NRK: variants seen among roughly 807,000 people sequenced by gnomAD.
NRK encodes nik-related protein kinase.
In NRK, 67 loss-of-function variants were observed where a neutral mutation model predicts 125.2. The observed-to-expected ratio is 0.54, with a 90% CI of 0.44 to 0.66. The LOEUF (loss-of-function observed/expected upper bound fraction) is 0.66. Ranked by LOEUF, NRK falls within the 30% of genes least tolerant of loss-of-function variation. NRK has a pLI of 0.00. For synonymous variants in NRK, 458 were observed against 429.0 expected (o/e 1.07, Z -0.84); for missense variants, 1,224 against 1,192.9 (o/e 1.03, Z -0.38).
intron 6 of NRK, 42 bp downstream of exon 6, chrX:105,893,984 C>A: frequency 1.3e-6 from 1 of 742,948 alleles, no homozygotes; most frequent in Non-Finnish European, 2.1e-6. Context: ...CTTTTAAGAA[C>A]CTGGGAGTAA....
chrX:105,946,147 C>T, intron 25 of NRK, 132 bp downstream of exon 25: 1 of 795,809 alleles, frequency 1.3e-6, no homozygotes, highest in Non-Finnish European at 1.8e-6. Flanking sequence ...GTTGTAATAA[C>T]AGGTCTAAGA....
chrX:105,931,255 G>A (rs2040591224), intron 19 of NRK, among the ~76,000 whole-genome samples: 1 of 112,305 alleles, frequency 8.9e-6, no homozygotes, highest in African/African-American at 3.2e-5. Flanking sequence ...TGACAGTGGA[G>A]CTGCAAGACT....
In NRK at chrX:105,937,492, G is replaced by A. The variant is rs1440360618; in HGVS notation, c.3709G>A (p.Gly1237Arg). Reference protein sequence around the residue: ...RSNLYLMDRSGKADITKLIRR... With the variant: ...RSNLYLMDRSRKADITKLIRR... Reference sequence around the variant, plus strand: ...TAATCTATATCTGATGGACAGAAGTGGAAAGGCTGACATTACTAAACTTAT... The same window carrying A: ...TAATCTATATCTGATGGACAGAAGTAGAAAGGCTGACATTACTAAACTTAT... The change falls in exon 22 of 29, where the codon GGA (glycine) becomes AGA (arginine). Residue 1237 changes from glycine to arginine, a missense_variant. Coordinates refer to ENST00000243300, the MANE Select transcript of NRK (RefSeq NM_198465.4). 2 of 1,192,670 alleles carry A rather than the reference G, an allele frequency of 1.7e-6. No homozygotes were observed. The highest frequency in any genetic ancestry group is 2.3e-6 in the Non-Finnish European group (2 of 881,493).
intron 2 of NRK, among the ~76,000 whole-genome samples, chrX:105,865,919 G>C (rs947929983): frequency 1.9e-5 from 2 of 107,826 alleles, no homozygotes; most frequent in African/African-American, 6.9e-5. Flanking sequence ...TCAAAGTTTA[G>C]CCCAAGGAAC....
intron 16 of NRK, among the ~76,000 whole-genome samples, chrX:105,919,360 T>G (rs748859280): frequency 2.5e-4 from 28 of 111,667 alleles, no homozygotes; most frequent in Admixed American, 1.2e-3. Context: ...TATTAAAACC[T>G]AATCTCCAAA....
intron 3 of NRK, among the ~76,000 whole-genome samples, chrX:105,881,414 A>G (rs185719579): frequency 1.2e-4 from 13 of 111,783 alleles, no homozygotes; most frequent in African/African-American, 3.9e-4. Context: ...TGTTCAACCC[A>G]TGGAAGTTTA....
At chrX:105,826,379 A>G (rs1249804909) in intron 1 of NRK, among the ~76,000 whole-genome samples, 1 of 76,804 alleles carries the variant, frequency 1.3e-5, no homozygotes, top group African/African-American at 6.1e-5. Context: ...TATATATATT[A>G]TCATATATAT....
At chrX:105,946,037 A>G (rs369647725) in intron 25 of NRK, 22 bp downstream of exon 25, 2 of 1,193,858 alleles carry the variant, frequency 1.7e-6, no homozygotes, top group African/African-American at 1.7e-5. Flanking sequence ...GAAGACAGCA[A>G]ACAGAATGCA....
At chrX:105,919,002 G>GAAAAA (rs57376881) in intron 16 of NRK, among the ~76,000 whole-genome samples, 4 of 39,476 alleles carry the variant, frequency 1.0e-4, no homozygotes, top group African/African-American at 2.7e-4. Context: ...ATGGTTTCCT[G>GAAAAA]AAAAAAAAAA....
At chrX:105,889,773 G>A (rs996131310) in intron 5 of NRK, among the ~76,000 whole-genome samples, 25 of 112,384 alleles carry the variant, frequency 2.2e-4, no homozygotes, top group Non-Finnish European at 4.5e-4. Context: ...CACAGCTGGA[G>A]TGGCTGGGAC....
At chrX:105,879,687 A>T (rs1360926566) in intron 2 of NRK, among the ~76,000 whole-genome samples, 2 of 111,564 alleles carry the variant, frequency 1.8e-5, no homozygotes, top group Non-Finnish European at 3.8e-5. Flanking sequence ...GAGATAATGC[A>T]TGGCTAATAT....
intron 1 of NRK, among the ~76,000 whole-genome samples, chrX:105,825,671 C>T (rs2039083030): frequency 9.0e-6 from 1 of 111,283 alleles, no homozygotes; most frequent in Non-Finnish European, 1.9e-5. Context: ...AAACAAGAAA[C>T]GGTGACAAAA....
rs774330470 is a variant in NRK, at chrX:105,934,453, G to A, written c.3499+9G>A. On this transcript the variant is annotated intron_variant, in intron 20 of 28. Transcript: ENST00000243300. ...CTTTGCCAGTGCCATCTGTGAGTGT[G>A]TTCAATGTAATCTCTAAATGCTACT... 1.8e-6 allele frequency: 2 copies of A among 1,122,203 alleles called. No individual in the cohort carries two copies. Among genetic ancestry groups the A allele is most frequent in the East Asian group, 3.0e-5 (1 of 33,016 alleles). The allele number at this position is 1,122,203 out of a possible 1,213,427, so 92.5% of individuals were successfully genotyped here.
chrX:105,916,330 A>C (rs1259479439), intron 15 of NRK, among the ~76,000 whole-genome samples: 1 of 111,161 alleles, frequency 9.0e-6, no homozygotes, highest in Non-Finnish European at 1.9e-5. Context: ...GATCTTCAAT[A>C]ATTTTCAAAG....
At chrX:105,953,469 C>A (rs1280651945) in intron 28 of NRK, among the ~76,000 whole-genome samples, 2 of 111,755 alleles carry the variant, frequency 1.8e-5, no homozygotes, top group Non-Finnish European at 3.8e-5. Flanking sequence ...CCTTTATTGT[C>A]TTTGATTCAT....
At chrX:105,889,462 C>G (rs1457579791) in intron 5 of NRK, among the ~76,000 whole-genome samples, 1 of 111,881 alleles carries the variant, frequency 8.9e-6, no homozygotes, top group Non-Finnish European at 1.9e-5. Flanking sequence ...GACAGTGGCC[C>G]TCTTCTCACA....
chrX:105,874,770 C>T (rs997064546), intron 2 of NRK, among the ~76,000 whole-genome samples: 1 of 111,124 alleles, frequency 9.0e-6, no homozygotes, highest in African/African-American at 3.3e-5. Context: ...ACAACAGCAC[C>T]GTAATAAACT....
intron 28 of NRK, 87 bp from the exon 29 acceptor site, chrX:105,955,418 C>T: frequency 2.0e-6 from 1 of 503,476 alleles, no homozygotes. Context: ...TCTTAATTAG[C>T]AGATGCAGAT....
rs909910218 is a variant in NRK, at chrX:105,923,431, A to C, written c.2924A>C (p.Lys975Thr). 8.8e-7 allele frequency: 1 copy of C among 1,142,382 alleles called. No homozygotes were observed. Among genetic ancestry groups the C allele is most frequent in the Non-Finnish European group, 1.2e-6 (1 of 854,753 alleles). 94.1% of individuals were successfully genotyped at this position (1,142,382 alleles called of 1,213,427 possible). A position where few individuals can be genotyped will look rare whatever the true frequency, so the allele number is the denominator to read the frequency against. Reference sequence around the variant, plus strand: ...AAAGACCATGATGATGACAACAATAAGTTTGTTGATGATGTAAATAATAAT... The same window carrying C: ...AAAGACCATGATGATGACAACAATACGTTTGTTGATGATGTAAATAATAAT... ...VCKDHDDDNN[K>T]FVDDVNNNYY... The change falls in exon 18 of 29, where the codon AAG (lysine) becomes ACG (threonine). Residue 975 changes from lysine (K) to threonine (T), a missense_variant. Coordinates refer to ENST00000243300, the MANE Select transcript of NRK (RefSeq NM_198465.4).
Sources: allele counts gnomAD v4.1 joint callset (sites outside exome capture counted in the v4.1 genomes callset), GRCh38; gene constraint gnomAD v4.1.1; transcripts MANE v1.5; gene names NCBI Gene and HGNC (gene_info 2026-07-23, HGNC 2026-07-21).